The following SPPL2A variants were observed in gnomAD, a reference collection of about 807,000 sequenced individuals.
SPPL2A encodes the protein signal peptide peptidase-like 2A.
SPPL2A carries 51 observed loss-of-function variants against 63.8 expected under a neutral mutation model. The ratio of observed to expected loss-of-function variants is 0.80; its 90% CI spans 0.64 to 1.01. The LOEUF is 1.01. SPPL2A is among the 50% of genes least tolerant of loss of function. The pLI is 0.00. For missense variants in SPPL2A, 553 were observed against 622.7 expected, an observed-to-expected ratio of 0.89 and a Z score of 1.19; for synonymous variants, 188 against 205.8, an observed-to-expected ratio of 0.91 and a Z score of 0.74.
At chr15:50,754,936 C>T (rs140797718) in intron 1 of SPPL2A, among the ~76,000 whole-genome samples, 9 of 150,236 alleles carry the variant, frequency 6.0e-5, no homozygotes, top group South Asian at 2.1e-4. Context: ...GAGCCAAGAT[C>T]GAGCCATTGC....
chr15:50,711,696 A>G (rs988319041), intron 14 of SPPL2A, among the ~76,000 whole-genome samples: 7 of 152,182 alleles, frequency 4.6e-5, no homozygotes, highest in African/African-American at 1.4e-4. Context: ...GTACCTGGAC[A>G]TTTAAAGAGT....
intron 14 of SPPL2A, among the ~76,000 whole-genome samples, chr15:50,718,455 T>G (rs1372955167): frequency 6.6e-6 from 1 of 152,192 alleles, no homozygotes; most frequent in East Asian, 1.9e-4. Context: ...TTTTTAGATG[T>G]TATTAGCATA....
intron 8 of SPPL2A, among the ~76,000 whole-genome samples, chr15:50,734,217 G>A (rs552256358): frequency 1.9e-4 from 29 of 152,186 alleles, no homozygotes; most frequent in Admixed American, 7.2e-4. Flanking sequence ...AGCACTATTC[G>A]CCATAGCCAA....
chr15:50,744,623 T>C (rs576311268), intron 5 of SPPL2A, among the ~76,000 whole-genome samples: 187 of 152,334 alleles, frequency 1.2e-3, no homozygotes, highest in African/African-American at 4.4e-3. Context: ...TTATGTACAT[T>C]TGAAATTTCT....
At chr15:50,722,422 A>AC (rs1441963944) in intron 12 of SPPL2A, among the ~76,000 whole-genome samples, 1 of 152,150 alleles carries the variant, frequency 6.6e-6, no homozygotes, top group African/African-American at 2.4e-5. Context: ...TTTAACTATC[A>AC]TTTTTATCAG....
At chr15:50,740,138 G>T (rs1225135391) in intron 5 of SPPL2A, among the ~76,000 whole-genome samples, 1 of 151,966 alleles carries the variant, frequency 6.6e-6, no homozygotes, top group Non-Finnish European at 1.5e-5. Flanking sequence ...TGTTGAAAGA[G>T]ATGACGTTGG....
intron 5 of SPPL2A, among the ~76,000 whole-genome samples, chr15:50,745,436 C>T (rs2062850415): frequency 6.6e-6 from 1 of 152,154 alleles, no homozygotes; most frequent in Non-Finnish European, 1.5e-5. Context: ...AGGCGTGAGC[C>T]ACCACATCCG....
intron 14 of SPPL2A, among the ~76,000 whole-genome samples, chr15:50,709,687 G>A (rs893211950): frequency 6.6e-6 from 1 of 152,102 alleles, no homozygotes; most frequent in East Asian, 1.9e-4. Context: ...CTACTCGGGA[G>A]ACTGAGGTGG....
Position 50,703,356 on chromosome 15 carries a change from A to ATATATATATTTT in SPPL2A, c.*4443_*4444insAAAATATATATA, listed in dbSNP as rs1196710672. 3.2e-5 allele frequency: 2 copies of ATATATATATTTT among 62,046 alleles called. No homozygotes were observed. Among genetic ancestry groups the ATATATATATTTT allele is most frequent in the African/African-American group, 1.4e-4 (2 of 14,228 alleles). The allele number at this position is 62,046 out of a possible 1,614,324, so 3.8% of individuals were successfully genotyped here. On this transcript the variant is annotated 3_prime_UTR_variant, in exon 15 of 15. Coordinates refer to ENST00000261854, the MANE Select transcript of SPPL2A (RefSeq NM_032802.4). ...TATATATATATATATACATATATAT[A>ATATATATATTTT]TTTTTTTTTTTTTTTTTTTTTTTTG...
chr15:50,732,795 T>A, intron 8 of SPPL2A, 111 bp from the exon 9 acceptor site: 4 of 220,886 alleles, frequency 1.8e-5, no homozygotes, highest in East Asian at 1.1e-4. Flanking sequence ...TGACTATTCC[T>A]TTTTTTTTTT....
intron 1 of SPPL2A, among the ~76,000 whole-genome samples, chr15:50,755,490 G>A (rs1164473183): frequency 2.6e-5 from 4 of 151,518 alleles, no homozygotes; most frequent in South Asian, 2.1e-4. Context: ...GTGTACAGGC[G>A]TGTACCTATA....
chr15:50,712,682 T>TCCCCCCC (rs1418811529), intron 14 of SPPL2A, among the ~76,000 whole-genome samples: 2 of 120,172 alleles, frequency 1.7e-5, no homozygotes, highest in African/African-American at 6.0e-5. Flanking sequence ...CCCCCCCCTT[T>TCCCCCCC]TTTTTTTTTT....
intron 1 of SPPL2A, among the ~76,000 whole-genome samples, chr15:50,759,403 A>T (rs924853347): frequency 6.6e-6 from 1 of 152,130 alleles, no homozygotes; most frequent in East Asian, 1.9e-4. Flanking sequence ...CAACAGAGCA[A>T]GATTCTGTCT....
At position 50,722,201 on chromosome 15, in the gene SPPL2A, C is replaced by G; in HGVS notation, c.1250G>C (p.Gly417Ala). 2 of 1,565,724 alleles carry G rather than the reference C, an allele frequency of 1.3e-6. No individual in the cohort carries two copies. Among genetic ancestry groups the G allele is most frequent in the Non-Finnish European group, 1.8e-6 (2 of 1,141,146 alleles). ...ILGFGDIIVP[G>A]LLIAYCRRFD... is the part of the protein sequence containing the mutation. The stretch of plus-strand genomic sequence containing the variant: ...TCTTCTACAGTATGCAATCAACAGG[C>G]CTTAAAAACAAAACAAAACATTATT... Residue 417 changes from glycine (G) to alanine (A), a missense_variant and splice_region_variant, in exon 13 of 15, where the codon GGC becomes GCC. By Grantham distance (60) the Gly-to-Ala change is moderately conservative. Transcript: ENST00000261854.
In SPPL2A at chr15:50,741,921, G is replaced by A. The variant is rs557817507; in HGVS notation, c.585-2093C>T. 9.3e-5 allele frequency among the ~76,000 whole-genome samples: 14 copies of A among 151,294 alleles called. No individual in the cohort carries two copies. The East Asian group carries it at 2.5e-3, about 27-fold the overall frequency. ...GCAGAGGTTGCAGTGAGCGAAGACC[G>A]CATGCCACCGCACTCCAGCCTGGGT... is the stretch of plus-strand genomic sequence containing the variant. On this transcript the variant is annotated intron_variant, in intron 5 of 14. Coordinates refer to ENST00000261854, the MANE Select transcript of SPPL2A (RefSeq NM_032802.4).
chr15:50,704,806 T>A lies in SPPL2A; in HGVS notation c.*2994A>T, dbSNP rs1030338797. On this transcript the variant is annotated 3_prime_UTR_variant, in exon 15 of 15. Transcript: ENST00000261854. ...TACAATATAAAGTTGACATTGAGGA[T>A]GAAGAAACTTAATTATACTTTTTCT... 2 of 152,238 alleles carry A rather than the reference T, an allele frequency of 1.3e-5. No individual in the cohort carries two copies. The highest frequency in any genetic ancestry group is 1.3e-4 in the Admixed American group (2 of 15,278). The allele number at this position is 152,238 out of a possible 1,614,324, so 9.4% of individuals were successfully genotyped here. A position where few individuals can be genotyped will look rare whatever the true frequency, so the allele number is the denominator to read the frequency against.
intron 1 of SPPL2A, among the ~76,000 whole-genome samples, chr15:50,752,725 A>G (rs1174636112): frequency 6.6e-6 from 1 of 151,800 alleles, no homozygotes; most frequent in Admixed American, 6.6e-5. Flanking sequence ...CTGAAAAAAA[A>G]AAAAACAACC....
chr15:50,725,350 CAAAACAAAACAA>C, intron 11 of SPPL2A, 27 bp from the exon 12 acceptor site: 1 of 1,245,574 alleles, frequency 8.0e-7, no homozygotes, highest in Non-Finnish European at 1.1e-6. Flanking sequence ...CAAAACAAAA[CAAAACAAAACAA>C]AAAACAAAAC....
intron 14 of SPPL2A, among the ~76,000 whole-genome samples, chr15:50,709,322 G>T (rs1455040111): frequency 6.6e-6 from 1 of 152,170 alleles, no homozygotes; most frequent in Non-Finnish European, 1.5e-5. Flanking sequence ...AGATCAGCAA[G>T]ATAAATGTTC....
Sources: allele counts gnomAD v4.1 joint callset (sites outside exome capture counted in the v4.1 genomes callset), GRCh38; gene constraint gnomAD v4.1.1; transcripts MANE v1.5; gene names NCBI Gene and HGNC (gene_info 2026-07-23, HGNC 2026-07-21).